The following OC90 variants were observed in gnomAD, a reference collection of about 807,000 sequenced individuals.
OC90 encodes otoconin-90.
A neutral mutation model predicts 47.3 loss-of-function variants in OC90; 46 were observed. That is an observed-to-expected ratio of 0.97 (90% CI 0.77 to 1.24). The LOEUF is 1.24. Among genes scored for constraint, OC90 ranks in the 50% most tolerant of loss-of-function variants. OC90 has a pLI of 0.00. For synonymous variants in OC90, 271 were observed against 219.5 expected, an observed-to-expected ratio of 1.23 and a Z score of -2.07; for missense variants, 688 against 583.9, an observed-to-expected ratio of 1.18 and a Z score of -1.84.
At chr8:132,027,067 A>G (rs1268797304) in intron 13 of OC90, among the ~76,000 whole-genome samples, 1 of 151,960 alleles carries the variant, frequency 6.6e-6, no homozygotes, top group Non-Finnish European at 1.5e-5. Context: ...GGTAAATCTC[A>G]TCTCACACCT....
intron 12 of OC90, among the ~76,000 whole-genome samples, chr8:132,031,238 T>C (rs1319929634): frequency 2.0e-5 from 3 of 152,218 alleles, no homozygotes; most frequent in Non-Finnish European, 4.4e-5. Context: ...GTTTGTTTTA[T>C]GTTGCTTTGT....
chr8:132,039,745 G>T (rs142359783), intron 6 of OC90, among the ~76,000 whole-genome samples: 44 of 152,066 alleles, frequency 2.9e-4, no homozygotes, highest in African/African-American at 1.0e-3. Context: ...AGGCCTCAGG[G>T]CCAGTCCCTG....
At chr8:132,031,613 C>T (rs1822875652) in intron 12 of OC90, among the ~76,000 whole-genome samples, 1 of 152,172 alleles carries the variant, frequency 6.6e-6, no homozygotes, top group African/African-American at 2.4e-5. Flanking sequence ...TGAAAGGGCT[C>T]TAGGCCCCCA....
intron 8 of OC90, 70 bp downstream of exon 8, chr8:132,038,720 T>A: frequency 8.3e-7 from 1 of 1,210,840 alleles, no homozygotes; most frequent in Non-Finnish European, 1.2e-6. Context: ...GTGGAGGAGG[T>A]GTATCCACCG....
chr8:132,048,369 AC>A (rs1823163309), intron 2 of OC90, among the ~76,000 whole-genome samples: 2 of 152,230 alleles, frequency 1.3e-5, no homozygotes, highest in Admixed American at 1.3e-4. Context: ...AAGGCCCAGG[AC>A]CCAGGATCCA....
At chr8:132,033,821 C>T (rs1213708474) in intron 10 of OC90, among the ~76,000 whole-genome samples, 1 of 152,192 alleles carries the variant, frequency 6.6e-6, no homozygotes. Context: ...AATCTCCAGC[C>T]TTCCCAGTAC....
At chr8:132,028,726 G>GAAAGAA (rs1563727753) in intron 13 of OC90, among the ~76,000 whole-genome samples, 3 of 106,856 alleles carry the variant, frequency 2.8e-5, no homozygotes, top group African/African-American at 1.1e-4. Flanking sequence ...GAAAGAAAGA[G>GAAAGAA]AAAGAAAGAA....
At chr8:132,057,765 T>C (rs554418382) in intron 1 of OC90, among the ~76,000 whole-genome samples, 7 of 152,392 alleles carry the variant, frequency 4.6e-5, no homozygotes, top group African/African-American at 1.7e-4. Context: ...CCACTGAGCA[T>C]GCCCCACTTG....
chr8:132,036,349 T>G (rs1301633398), intron 9 of OC90: 3 of 780,666 alleles, frequency 3.8e-6, no homozygotes, highest in Admixed American at 1.7e-5. Flanking sequence ...GGCTGTCCTT[T>G]TCCAAATTCC....
chr8:132,027,641 AG>A (rs1315956870), intron 13 of OC90, among the ~76,000 whole-genome samples: 1 of 152,244 alleles, frequency 6.6e-6, no homozygotes, highest in Non-Finnish European at 1.5e-5. Context: ...TCAATTCTAC[AG>A]CAAGTCTCCA....
chr8:132,037,418 A>C lies in OC90; in HGVS notation c.679+20T>G. 6.4e-7 allele frequency: 1 copy of C among 1,571,970 alleles called. No homozygotes were observed. Among genetic ancestry groups the C allele is most frequent in the African/African-American group, 1.3e-5 (1 of 74,254 alleles). ...CTCATTGTGTGTCTTTGGGTTCCACACTAGCCCCTTCTGGCTCACCTTCTC... is the reference window on the plus strand; with the variant it reads ...CTCATTGTGTGTCTTTGGGTTCCACCCTAGCCCCTTCTGGCTCACCTTCTC... On this transcript the variant is annotated intron_variant, in intron 9 of 13. Transcript: ENST00000254627.
At chr8:132,058,369 G>T (rs1823302052) in intron 1 of OC90, among the ~76,000 whole-genome samples, 1 of 152,166 alleles carries the variant, frequency 6.6e-6, no homozygotes, top group African/African-American at 2.4e-5. Flanking sequence ...GGCTGTCGTG[G>T]CCTCATGGGT....
intron 9 of OC90, 96 bp downstream of exon 9, chr8:132,037,342 G>A: frequency 1.0e-6 from 1 of 1,004,042 alleles, no homozygotes; most frequent in Non-Finnish European, 1.5e-6. Flanking sequence ...TCTTGTGATA[G>A]TGAGTTCTTG....
intron 13 of OC90, among the ~76,000 whole-genome samples, chr8:132,028,526 A>AAAAGAAAGAAAAGAAAG (rs1822797167): frequency 1.3e-4 from 11 of 87,554 alleles, no homozygotes; most frequent in African/African-American, 4.6e-4. Context: ...AGAAAGAAAG[A>AAAAGAAAGAAAAGAAAG]AAAGAAAGAA....
intron 13 of OC90, among the ~76,000 whole-genome samples, chr8:132,028,558 GAAA>G (rs1563727338): frequency 5.0e-4 from 9 of 17,988 alleles, no homozygotes; most frequent in Non-Finnish European, 7.0e-4. Flanking sequence ...AAGAAAGAAA[GAAA>G]GAAAGGAAGG....
intron 12 of OC90, among the ~76,000 whole-genome samples, chr8:132,030,507 A>C (rs918550670): frequency 1.3e-5 from 2 of 152,178 alleles, no homozygotes; most frequent in African/African-American, 4.8e-5. Flanking sequence ...CAAGGGGTTC[A>C]ACAGAATACA....
rs182348355 is a variant in OC90, at chr8:132,040,267, C to T, written c.457+777G>A. ...CCCTTTGCAGCTGTGTGGCTTTGGGCAAGTTATTTAAGCTGCAAACAATGG... is the reference window on the plus strand; with the variant it reads ...CCCTTTGCAGCTGTGTGGCTTTGGGTAAGTTATTTAAGCTGCAAACAATGG... On this transcript the variant is annotated intron_variant, in intron 6 of 13. Transcript: ENST00000254627. Among the ~76,000 whole-genome samples, 104 of 152,286 alleles carry T rather than the reference C, an allele frequency of 6.8e-4. 1 individual carries two copies. Among genetic ancestry groups the T allele is most frequent in the African/African-American group, 2.5e-3 (102 of 41,544 alleles).
intron 2 of OC90, chr8:132,049,822 G>A (rs761806162): frequency 1.4e-5 from 7 of 517,460 alleles, no homozygotes; most frequent in Non-Finnish European, 2.3e-5. Flanking sequence ...CCATGGCCAC[G>A]TGACATGGCT....
At chr8:132,032,971 A>T in intron 11 of OC90, 68 bp downstream of exon 11, 1 of 1,543,830 alleles carries the variant, frequency 6.5e-7, no homozygotes, top group Non-Finnish European at 8.8e-7. Context: ...AAGGTGGCCT[A>T]CGGTGATTGT....
Sources: gnomAD v4.1 joint callset for allele counts (sites outside exome capture counted in the v4.1 genomes callset) on GRCh38, gnomAD v4.1.1 for gene constraint, MANE v1.5 for transcripts, NCBI Gene and HGNC (gene_info 2026-07-23, HGNC 2026-07-21) for gene names.